The following PRKCE variants were observed in gnomAD, a reference collection of about 807,000 sequenced individuals.
PRKCE encodes the protein protein kinase C epsilon type.
Under a neutral mutation model 85.4 loss-of-function variants are expected in PRKCE, and 16 were observed. The ratio of observed to expected loss-of-function variants is 0.19; its 90% CI spans 0.13 to 0.28. The LOEUF (loss-of-function observed/expected upper bound fraction) is 0.28. Among genes scored for constraint, PRKCE ranks in the 10% least tolerant of loss-of-function variants. PRKCE has a pLI of 1.00. For missense variants in PRKCE, 573 were observed against 975.2 expected (o/e 0.59, Z 5.49); for synonymous variants, 388 against 371.5 (o/e 1.04, Z -0.51).
At chr2:46,062,801 G>A (rs1667273716) in intron 10 of PRKCE, among the ~76,000 whole-genome samples, 1 of 149,862 alleles carries the variant, frequency 6.7e-6, no homozygotes, top group Non-Finnish European at 1.5e-5. Flanking sequence ...AGCCTCCTGA[G>A]TAGTTACAGT....
chr2:45,785,847 A>G lies in PRKCE; in HGVS notation c.349-57153A>G, dbSNP rs111489115. The stretch of plus-strand genomic sequence containing the variant: ...ATGGGAGTGCTCCTATGACACCAGG[A>G]GGCCAAACTCGAACCTCTGCCTCAC... On this transcript the variant is annotated intron_variant, in intron 1 of 14. Transcript: ENST00000306156. Among the ~76,000 whole-genome samples, 710 of 152,314 alleles carry G rather than the reference A, an allele frequency of 4.7e-3. 5 individuals carry two copies. Among genetic ancestry groups the G allele is most frequent in the African/African-American group, 0.016 (661 of 41,556 alleles).
intron 10 of PRKCE, among the ~76,000 whole-genome samples, chr2:46,082,380 A>G (rs1292051096): frequency 6.6e-6 from 1 of 152,094 alleles, no homozygotes; most frequent in Non-Finnish European, 1.5e-5. Context: ...GGGCTGAGGG[A>G]GAGAGAGGTA....
chr2:46,111,858 C>A (rs1291540606), intron 11 of PRKCE, among the ~76,000 whole-genome samples: 1 of 152,132 alleles, frequency 6.6e-6, no homozygotes, highest in East Asian at 1.9e-4. Flanking sequence ...CAAGTAGTGA[C>A]TCCATGTTTA....
At position 46,138,327 on chromosome 2, in the gene PRKCE, A is replaced by AT. The variant is rs1197102272; in HGVS notation, c.1593-6762dup. On this transcript the variant is annotated intron_variant, in intron 11 of 14. Coordinates refer to ENST00000306156, the MANE Select transcript of PRKCE (RefSeq NM_005400.3). This position sits in a 1 kb window ranked among gnomAD's most constrained non-coding sequence, Gnocchi z 4.2. ...GAGATTTCCAACTCATACGTCTGTC[A>AT]TTTTATCTAATAGGTGGTCACGGGC... is the stretch of plus-strand genomic sequence containing the variant. 3.9e-5 allele frequency among the ~76,000 whole-genome samples: 6 copies of AT among 152,182 alleles called. No individual in the cohort carries two copies. Among genetic ancestry groups the AT allele is most frequent in the Non-Finnish European group, 8.8e-5 (6 of 68,042 alleles).
At chr2:45,855,994 C>T (rs1047336736) in intron 2 of PRKCE, among the ~76,000 whole-genome samples, 1 of 151,962 alleles carries the variant, frequency 6.6e-6, no homozygotes. Flanking sequence ...AAGGCGAACC[C>T]TCCCTTCCCT....
chr2:45,861,777 A>G (rs930382981), intron 2 of PRKCE, among the ~76,000 whole-genome samples: 1 of 152,228 alleles, frequency 6.6e-6, no homozygotes, highest in Non-Finnish European at 1.5e-5. Context: ...ACAGCAGAAT[A>G]TTGAAGGCAA....
intron 1 of PRKCE, among the ~76,000 whole-genome samples, chr2:45,725,873 A>G (rs1028799326): frequency 2.0e-5 from 3 of 151,994 alleles, no homozygotes; most frequent in Non-Finnish European, 4.4e-5. Context: ...AAAAACCCAC[A>G]TTCATGATGC....
At chr2:45,870,910 G>C (rs1220866831) in intron 2 of PRKCE, among the ~76,000 whole-genome samples, 2 of 152,222 alleles carry the variant, frequency 1.3e-5, no homozygotes, top group Non-Finnish European at 2.9e-5. Context: ...GTAAACCCCA[G>C]TGGAACCAAT....
intron 11 of PRKCE, among the ~76,000 whole-genome samples, chr2:46,111,941 C>T (rs990449481): frequency 6.6e-6 from 1 of 152,182 alleles, no homozygotes; most frequent in East Asian, 1.9e-4. Context: ...TGTATGAAGG[C>T]TCTAGTTTCT....
chr2:45,965,716 A>C (rs1701686519), intron 2 of PRKCE, among the ~76,000 whole-genome samples: 1 of 152,216 alleles, frequency 6.6e-6, no homozygotes, highest in South Asian at 2.1e-4. Flanking sequence ...CATTTTTAGG[A>C]TGAATAGCTT....
intron 1 of PRKCE, among the ~76,000 whole-genome samples, chr2:45,714,205 G>A (rs1273369953): frequency 6.6e-6 from 1 of 152,176 alleles, no homozygotes; most frequent in African/African-American, 2.4e-5. Context: ...TGGAGGAGGG[G>A]CATGAAACAA....
intron 1 of PRKCE, among the ~76,000 whole-genome samples, chr2:45,737,933 A>G (rs970034590): frequency 6.6e-6 from 1 of 151,790 alleles, no homozygotes; most frequent in African/African-American, 2.4e-5. Context: ...ATTATACAGC[A>G]CCTCCATTCT....
At chr2:45,865,258 C>T (rs1303029959) in intron 2 of PRKCE, among the ~76,000 whole-genome samples, 1 of 152,122 alleles carries the variant, frequency 6.6e-6, no homozygotes, top group Non-Finnish European at 1.5e-5. Flanking sequence ...AATTGGAATT[C>T]TCAACCTATT....
intron 1 of PRKCE, among the ~76,000 whole-genome samples, chr2:45,685,827 C>T (rs1056129589): frequency 6.6e-6 from 1 of 152,164 alleles, no homozygotes; most frequent in African/African-American, 2.4e-5. Context: ...TAGACTAGAG[C>T]ACTCTGCTGT....
chr2:45,949,086 G>A (rs1157196575), intron 2 of PRKCE, among the ~76,000 whole-genome samples: 1 of 152,168 alleles, frequency 6.6e-6, no homozygotes, highest in Non-Finnish European at 1.5e-5. Context: ...GTCTCCTTGG[G>A]TATAAGTGTG....
At chr2:46,043,528 T>A (rs1243591520) in intron 10 of PRKCE, among the ~76,000 whole-genome samples, 1 of 152,228 alleles carries the variant, frequency 6.6e-6, no homozygotes, top group African/African-American at 2.4e-5. Flanking sequence ...AAGGCCATTG[T>A]TGCCTATAAG....
chr2:45,833,396 C>G (rs1267693873), intron 1 of PRKCE, among the ~76,000 whole-genome samples: 1 of 152,122 alleles, frequency 6.6e-6, no homozygotes, highest in African/African-American at 2.4e-5. Context: ...CTGTGGAATC[C>G]TCAAAAGAAA....
chr2:46,033,932 A>G lies in PRKCE; in HGVS notation c.1437+23415A>G, dbSNP rs556069493. ...TTGAGGGGTCACCAGTGTGAGGACA[A>G]CCTTGAGCTTGGGATTTCAGTCTGA... is the stretch of plus-strand genomic sequence containing the variant. On this transcript the variant is annotated intron_variant, in intron 10 of 14. Coordinates refer to ENST00000306156, the MANE Select transcript of PRKCE (RefSeq NM_005400.3). Among the ~76,000 whole-genome samples, 11 of 152,236 alleles carry G rather than the reference A, an allele frequency of 7.2e-5. No homozygotes were observed. The East Asian group carries it at 1.2e-3, about 16-fold the overall frequency.
intron 1 of PRKCE, chr2:45,685,596 C>G (rs571450634): frequency 9.9e-5 from 15 of 152,080 alleles, no homozygotes; most frequent in African/African-American, 3.6e-4. Flanking sequence ...TTGAGACAAG[C>G]CTGAGCAACA....
Sources: gnomAD v4.1 joint callset for allele counts (sites outside exome capture counted in the v4.1 genomes callset) on GRCh38, gnomAD v4.1.1 for gene constraint, Gnocchi (gnomAD v3.1) non-coding constraint, MANE v1.5 for transcripts, NCBI Gene and HGNC (gene_info 2026-07-23, HGNC 2026-07-21) for gene names.